Variants in TOP1MT observed in about 807,000 individuals in gnomAD.
TOP1MT encodes DNA topoisomerase I, mitochondrial.
Under a neutral mutation model 73.9 loss-of-function variants are expected in TOP1MT, and 80 were observed. The ratio of observed to expected loss-of-function variants is 1.08; its 90% CI spans 0.90 to 1.30. The LOEUF (loss-of-function observed/expected upper bound fraction) is 1.30, where lower values mean the gene tolerates loss of function less well. TOP1MT is among the 50% of genes most tolerant of loss of function. TOP1MT has a pLI of 0.00. For missense variants in TOP1MT, 815 were observed against 808.0 expected, an observed-to-expected ratio of 1.01 and a Z score of -0.10; for synonymous variants, 338 against 326.4, an observed-to-expected ratio of 1.04 and a Z score of -0.38.
intron 7 of TOP1MT, among the ~76,000 whole-genome samples, chr8:143,322,609 CAT>C (rs1816493748): frequency 1.4e-5 from 2 of 138,046 alleles, no homozygotes; most frequent in Non-Finnish European, 3.1e-5. Flanking sequence ...AGGCCACACA[CAT>C]GCATGCCACA....
At chr8:143,322,516 C>T (rs1276140620) in intron 7 of TOP1MT, among the ~76,000 whole-genome samples, 17 of 66,424 alleles carry the variant, frequency 2.6e-4, no homozygotes, top group African/African-American at 6.3e-4. Context: ...AGGCACGCCA[C>T]ACAACAGGCA....
intron 8 of TOP1MT, among the ~76,000 whole-genome samples, chr8:143,319,888 G>A (rs1201649456): frequency 6.6e-6 from 1 of 151,664 alleles, no homozygotes; most frequent in Non-Finnish European, 1.5e-5. Context: ...CACTCTGGAA[G>A]GCTGAGGCAG....
intron 2 of TOP1MT, among the ~76,000 whole-genome samples, chr8:143,340,646 G>A (rs1385533492): frequency 6.6e-6 from 1 of 152,266 alleles, no homozygotes; most frequent in East Asian, 1.9e-4. Flanking sequence ...AGGCCACGCC[G>A]CTGGCTGTGG....
chr8:143,312,365 C>T (rs1816036427), intron 12 of TOP1MT, among the ~76,000 whole-genome samples: 1 of 152,134 alleles, frequency 6.6e-6, no homozygotes, highest in South Asian at 2.1e-4. Flanking sequence ...AAAATGATTA[C>T]ACAATTGCTC....
chr8:143,323,185 ACACACGCATGC>A (rs2130167816), intron 7 of TOP1MT, among the ~76,000 whole-genome samples: 1 of 120,336 alleles, frequency 8.3e-6, no homozygotes, highest in African/African-American at 3.3e-5. Context: ...CAGGCACGCC[ACACACGCATGC>A]CACACACAGG....
rs900586825 is a variant in TOP1MT, at chr8:143,329,383, A to G, written c.327T>C (p.Val109=). 1.9e-6 allele frequency: 3 copies of G among 1,607,932 alleles called. No individual in the cohort carries two copies. In the Admixed American group the frequency reaches 5.2e-5, roughly 28 times the overall value. ...AGTCATTGAAGAAGTTCTTCCGGAA[A>G]ACCTCCTTTGTTGTGTATTCATGAT... ...MLDHEYTTKE[V]FRKNFFNDWR... is the part of the protein sequence containing the mutation. The change falls in exon 3 of 14, where the codon GTT becomes GTC. Residue 109 remains valine (V), a synonymous_variant. Transcript: ENST00000329245.
intron 7 of TOP1MT, among the ~76,000 whole-genome samples, chr8:143,322,031 CCATA>C (rs1816430036): frequency 9.4e-6 from 1 of 105,988 alleles, no homozygotes; most frequent in Non-Finnish European, 1.9e-5. Flanking sequence ...CACAGGCACG[CCATA>C]CAGATGCATG....
chr8:143,340,419 G>C (rs543468320), intron 2 of TOP1MT, among the ~76,000 whole-genome samples: 3 of 151,902 alleles, frequency 2.0e-5, no homozygotes, highest in Non-Finnish European at 2.9e-5. Flanking sequence ...TGCTGCCTTC[G>C]GCCTTCTCCC....
At position 143,317,854 on chromosome 8, in the gene TOP1MT, T is replaced by C. The variant is rs776750334; in HGVS notation, c.1216-17A>G. 6 of 1,612,884 alleles carry C rather than the reference T, an allele frequency of 3.7e-6. No individual in the cohort carries two copies. In the South Asian group the frequency reaches 4.4e-5, roughly 12 times the overall value. ...GCTGGTCGTCTGGGGAGGAAAATGG[T>C]CTCTATAATTACGTGGTTTTGCGGG... is the stretch of plus-strand genomic sequence containing the variant. On this transcript the variant is annotated splice_polypyrimidine_tract_variant and intron_variant, in intron 9 of 13. Transcript: ENST00000329245.
chr8:143,322,681 C>A lies in TOP1MT; in HGVS notation c.961-1295G>T, dbSNP rs376792265. On this transcript the variant is annotated intron_variant, in intron 7 of 13. Transcript: ENST00000329245. ...ACACACGCACGCCACACACGCACGC[C>A]ACACACGCACGCCACACGCACGCCA... is the stretch of plus-strand genomic sequence containing the variant. Among the ~76,000 whole-genome samples, 138 of 59,918 alleles carry A rather than the reference C, an allele frequency of 2.3e-3. 1 individual carries two copies. Among genetic ancestry groups the A allele is most frequent in the Middle Eastern group, 0.012 (1 of 86 alleles). 39.3% of individuals were successfully genotyped at this position (59,918 alleles called of 152,430 possible).
At chr8:143,317,134 G>A (rs530814761) in intron 10 of TOP1MT, among the ~76,000 whole-genome samples, 13 of 152,356 alleles carry the variant, frequency 8.5e-5, no homozygotes, top group Non-Finnish European at 1.9e-4. Flanking sequence ...GGTGGGCGCC[G>A]GGGTGGGAGG....
At chr8:143,334,591 A>C in intron 1 of TOP1MT, 149 bp downstream of exon 1, 45 of 1,148,912 alleles carry the variant, frequency 3.9e-5, no homozygotes, top group South Asian at 5.0e-5. Flanking sequence ...CGGGCCGGTC[A>C]CACCGCGGCA....
At chr8:143,323,397 G>A (rs1816589880) in intron 7 of TOP1MT, among the ~76,000 whole-genome samples, 1 of 98,208 alleles carries the variant, frequency 1.0e-5, no homozygotes, top group Non-Finnish European at 1.9e-5. Flanking sequence ...ACACACACAG[G>A]CACGCCACAC....
At chr8:143,333,140 G>A (rs750512987) in intron 1 of TOP1MT, among the ~76,000 whole-genome samples, 3 of 151,588 alleles carry the variant, frequency 2.0e-5, no homozygotes, top group Admixed American at 6.6e-5. Flanking sequence ...GGGAAACCAC[G>A]TGTATCTCGG....
upstream of TOP1MT, among the ~76,000 whole-genome samples, chr8:143,346,499 C>A (rs1345923069): frequency 6.6e-6 from 1 of 152,166 alleles, no homozygotes; most frequent in Admixed American, 6.5e-5. Context: ...AGAAAGGGGG[C>A]TGTGCTGGGT....
Position 143,324,497 on chromosome 8 carries a change from G to A in TOP1MT, c.804C>T (p.Cys268=), listed in dbSNP as rs1388572623. The change falls in exon 6 of 14, where the codon TGC becomes TGT. Residue 268 remains cysteine (C), a synonymous_variant. Coordinates refer to ENST00000329245, the MANE Select transcript of TOP1MT (RefSeq NM_052963.3). ...NSIKYIMLNP[C]SKLKGETAWQ... Reference sequence around the variant, plus strand: ...GCCCTGCGCTCACCTTCAGCTTCGAGCAAGGGTTCAGCATGATGTACTTGA... The same window carrying A: ...GCCCTGCGCTCACCTTCAGCTTCGAACAAGGGTTCAGCATGATGTACTTGA... 1 of 1,613,978 alleles carries A rather than the reference G, an allele frequency of 6.2e-7. No homozygotes were observed. The highest frequency in any genetic ancestry group is 1.1e-5 in the South Asian group (1 of 91,086).
intron 12 of TOP1MT, among the ~76,000 whole-genome samples, chr8:143,315,102 G>A (rs566993987): frequency 1.5e-4 from 23 of 151,954 alleles, no homozygotes; most frequent in African/African-American, 2.2e-4. Flanking sequence ...CCGGGAAAGG[G>A]AGTCTCCCTT....
chr8:143,359,536 G>A (rs186151973), upstream of TOP1MT: 44 of 581,700 alleles, frequency 7.6e-5, no homozygotes, highest in Admixed American at 9.5e-4. Flanking sequence ...GAGCGATGAG[G>A]AGGGGTGGGG....
chr8:143,356,612 C>T (rs145963626), upstream of TOP1MT, among the ~76,000 whole-genome samples: 40 of 148,780 alleles, frequency 2.7e-4, 1 homozygote, highest in East Asian at 7.9e-3. Flanking sequence ...ATAGTGAAAC[C>T]CCGTCTCTAC....
Sources: allele counts gnomAD v4.1 joint callset (sites outside exome capture counted in the v4.1 genomes callset), GRCh38; gene constraint gnomAD v4.1.1; transcripts MANE v1.5; gene names NCBI Gene and HGNC (gene_info 2026-07-23, HGNC 2026-07-21).